DYNC2I1: variants seen among roughly 807,000 people sequenced by gnomAD.
DYNC2I1 encodes the protein dynein 2 intermediate chain 1, also known as cytoplasmic dynein 2 intermediate chain 1.
DYNC2I1 carries 89 observed loss-of-function variants against 133.4 expected under a neutral mutation model. The observed-to-expected ratio is 0.67, with a 90% CI of 0.56 to 0.80. The LOEUF is 0.80. Among genes scored for constraint, DYNC2I1 ranks in the 30% least tolerant of loss-of-function variants. DYNC2I1 has a pLI of 0.00. For synonymous variants in DYNC2I1, 504 were observed against 484.3 expected (o/e 1.04, Z -0.54); for missense variants, 1,291 against 1,314.5 (o/e 0.98, Z 0.28).
intron 3 of DYNC2I1, among the ~76,000 whole-genome samples, chr7:158,874,418 T>C (rs1843166282): frequency 6.6e-6 from 1 of 152,210 alleles, no homozygotes; most frequent in Non-Finnish European, 1.5e-5. Context: ...TATTTAATGC[T>C]CTTTTCAAAA....
At position 158,897,036 on chromosome 7, in the gene DYNC2I1, T is replaced by G. The variant is rs879670476; in HGVS notation, c.1060-4703T>G. Among the ~76,000 whole-genome samples, 13 of 150,144 alleles carry G rather than the reference T, an allele frequency of 8.7e-5. No individual in the cohort carries two copies. The South Asian group carries it at 1.0e-3, about 12-fold the overall frequency. On this transcript the variant is annotated intron_variant, in intron 8 of 24. Transcript: ENST00000407559. ...TCTCTCTCTGTCTCCCAGGCTAAAGTGCAGTGGCACGGTCTCAGATCGCTG... is the reference window on the plus strand; with the variant it reads ...TCTCTCTCTGTCTCCCAGGCTAAAGGGCAGTGGCACGGTCTCAGATCGCTG...
downstream of DYNC2I1, among the ~76,000 whole-genome samples, chr7:158,947,781 CA>C (rs559052757): frequency 6.6e-6 from 1 of 152,332 alleles, no homozygotes; most frequent in African/African-American, 2.4e-5. Context: ...TCACGGAGGC[CA>C]GGGGCGAGAG....
chr7:158,882,701 T>C (rs923446067), intron 5 of DYNC2I1, among the ~76,000 whole-genome samples: 6 of 152,126 alleles, frequency 3.9e-5, no homozygotes, highest in African/African-American at 1.4e-4. Flanking sequence ...AGTGAAACCC[T>C]GTCTCTACTA....
At chr7:158,859,372 T>C (rs1841669090) in intron 1 of DYNC2I1, among the ~76,000 whole-genome samples, 1 of 152,180 alleles carries the variant, frequency 6.6e-6, no homozygotes. Context: ...ATTTTCTTTC[T>C]CTCCAGAAGA....
At chr7:158,862,648 A>T (rs958235469) in intron 1 of DYNC2I1, among the ~76,000 whole-genome samples, 1 of 150,916 alleles carries the variant, frequency 6.6e-6, no homozygotes, top group African/African-American at 2.4e-5. Context: ...TGAGCACAGG[A>T]GGTCAAGGCT....
chr7:158,857,278 CAT>C (rs1194036816), intron 1 of DYNC2I1, among the ~76,000 whole-genome samples: 1 of 152,058 alleles, frequency 6.6e-6, no homozygotes, highest in African/African-American at 2.4e-5. Context: ...ATAATAGCAA[CAT>C]TATAGGGTGT....
intron 16 of DYNC2I1, 140 bp downstream of exon 16, chr7:158,922,689 C>T: frequency 1.2e-6 from 1 of 812,838 alleles, no homozygotes; most frequent in Non-Finnish European, 1.9e-6. Context: ...CTCTGTCTCT[C>T]ACAGCTGGCC....
intron 1 of DYNC2I1, among the ~76,000 whole-genome samples, chr7:158,860,149 G>A (rs568912407): frequency 3.3e-5 from 5 of 151,366 alleles, no homozygotes; most frequent in South Asian, 4.2e-4. Flanking sequence ...TCTGCCTCCC[G>A]GGTTCAAGCA....
At chr7:158,920,943 G>A (rs563417453) in intron 15 of DYNC2I1, among the ~76,000 whole-genome samples, 29 of 152,198 alleles carry the variant, frequency 1.9e-4, no homozygotes, top group African/African-American at 6.0e-4. Flanking sequence ...ATTAAAACAC[G>A]CGGCAGAATG....
chr7:158,924,559 A>G (rs544006497), intron 17 of DYNC2I1, among the ~76,000 whole-genome samples: 4 of 152,032 alleles, frequency 2.6e-5, no homozygotes, highest in Non-Finnish European at 4.4e-5. Flanking sequence ...CAATACTACT[A>G]CTTACTGTTA....
rs61733022 is a variant in DYNC2I1 at position 158,926,425 on chromosome 7, A to G, written c.2395A>G (p.Ile799Val). ...QEEMSGLSFHIASLDESGVLN... is the reference protein window; with the variant it reads ...QEEMSGLSFHVASLDESGVLN... ...AGAAATGTCAGGTTTGTCCTTCCAC[A>G]TCGCTTCCTTGGATGAGAGTGGGGT... The change falls in exon 19 of 25, where the codon ATC becomes GTC. Residue 799 changes from isoleucine (I) to valine (V), a missense_variant. By Grantham distance (29) the Ile-to-Val change is conservative (BLOSUM62 3). Coordinates refer to ENST00000407559, the MANE Select transcript of DYNC2I1 (RefSeq NM_018051.5). 7,004 of 1,613,352 alleles carry G rather than the reference A, an allele frequency of 4.3e-3. 282 individuals are homozygous for G. In the African/African-American group the frequency reaches 0.084, roughly 19 times the overall value.
At chr7:158,923,455 A>G in intron 16 of DYNC2I1, 116 bp from the exon 17 acceptor site, 2 of 1,371,882 alleles carry the variant, frequency 1.5e-6, no homozygotes, top group Non-Finnish European at 2.1e-6. Context: ...TGGGCCCTGC[A>G]GGTGACTCCC....
chr7:158,955,262 G>A (rs1852170872), intron 4 of DYNC2I1, among the ~76,000 whole-genome samples: 1 of 152,190 alleles, frequency 6.6e-6, no homozygotes, highest in Admixed American at 6.5e-5. Flanking sequence ...CGCTGGCTCT[G>A]GGCCACGCCT....
chr7:158,839,508 T>C, the DYNC2I1 span, among the ~76,000 whole-genome samples: 1 of 152,180 alleles, frequency 6.6e-6, no homozygotes, highest in African/African-American at 2.4e-5. Context: ...GGTGATTGCT[T>C]TTTTTGTTTT....
At chr7:158,913,961 C>T (rs750886126) in intron 13 of DYNC2I1, among the ~76,000 whole-genome samples, 40 of 152,172 alleles carry the variant, frequency 2.6e-4, no homozygotes, top group Non-Finnish European at 4.4e-4. Flanking sequence ...CCACCTGCCT[C>T]GGCCACCCAA....
the DYNC2I1 span, among the ~76,000 whole-genome samples, chr7:158,840,115 G>C: frequency 6.6e-6 from 1 of 152,120 alleles, no homozygotes; most frequent in Non-Finnish European, 1.5e-5. Context: ...TCACCCAGAG[G>C]TGGTTGACTT....
At chr7:158,848,594 T>C in the DYNC2I1 span, among the ~76,000 whole-genome samples, 2 of 152,162 alleles carry the variant, frequency 1.3e-5, no homozygotes, top group Non-Finnish European at 2.9e-5. Flanking sequence ...TGAAAACTGA[T>C]GGGGTTAAAC....
chr7:158,858,695 A>G (rs1028030771), intron 1 of DYNC2I1, among the ~76,000 whole-genome samples: 2 of 152,136 alleles, frequency 1.3e-5, no homozygotes, highest in East Asian at 1.9e-4. Context: ...GCACAGAGCT[A>G]TGATCTGGGA....
At chr7:158,912,952 C>A in intron 12 of DYNC2I1, 33 bp from the exon 13 acceptor site, 30 of 1,495,614 alleles carry the variant, frequency 2.0e-5, no homozygotes, top group Non-Finnish European at 2.7e-5. Context: ...AAATTGAAAC[C>A]AATGTTAATT....
Sources: gnomAD v4.1 joint callset for allele counts (sites outside exome capture counted in the v4.1 genomes callset) on GRCh38, gnomAD v4.1.1 for gene constraint, MANE v1.5 for transcripts, NCBI Gene and HGNC (gene_info 2026-07-23, HGNC 2026-07-21) for gene names.